ACKR3: variants seen among roughly 807,000 people sequenced by gnomAD.
ACKR3 encodes atypical chemokine receptor 3.
ACKR3 carries 6 observed loss-of-function variants against 22.4 expected under a neutral mutation model. The ratio of observed to expected loss-of-function variants is 0.27; its 90% CI spans 0.15 to 0.53. The LOEUF is 0.53. ACKR3 is among the 20% of genes least tolerant of loss of function. ACKR3 has a pLI of 0.96. For missense variants in ACKR3, 396 were observed against 475.2 expected, an observed-to-expected ratio of 0.83 and a Z score of 1.55; for synonymous variants, 209 against 205.2, an observed-to-expected ratio of 1.02 and a Z score of -0.16.
In ACKR3 at chr2:236,581,521, GGAGTACTCTGCCTTGGAGCA is replaced by G. The variant is rs1559474515; in HGVS notation, c.1060_1079del (p.Tyr354HisfsTer27). 6.2e-7 allele frequency: 1 copy of G among 1,614,164 alleles called. No homozygotes were observed. The highest frequency in any genetic ancestry group is 8.5e-7 in the Non-Finnish European group (1 of 1,180,016). On this transcript the variant is annotated frameshift_variant, in exon 2 of 2. Coordinates refer to ENST00000272928, the MANE Select transcript of ACKR3 (RefSeq NM_020311.3). LOFTEE classifies it high-confidence loss of function. The surrounding 1 kb of genome is among the most constrained non-coding windows in gnomAD (Gnocchi z 4.4). ...TCGATGCCTCCAGAGTCTCAGAGAC[GGAGTACTCTGCCTTGGAGCA>G]GAGCACCAAATGATCTGCCCTGGAG...
In ACKR3 at chr2:236,574,004, C is replaced by T. The variant is rs1691359136; in HGVS notation, c.-27+4080C>T. ...CTCCTTGAAGTCCCCCATAAGCCAC[C>T]AGAGTAGAAACCCCTCATTTTCCTG... On this transcript the variant is annotated intron_variant, in intron 1 of 1. Transcript: ENST00000272928. The surrounding 1 kb of genome is among the most constrained non-coding windows in gnomAD (Gnocchi z 5.6). Among the ~76,000 whole-genome samples the T allele has an allele frequency of 6.6e-6, 1 of 152,130 alleles. No homozygotes were observed. Among genetic ancestry groups the T allele is most frequent in the Non-Finnish European group, 1.5e-5 (1 of 68,028 alleles).
At chr2:236,563,392 G>T (rs888933506), upstream of ACKR3, among the ~76,000 whole-genome samples, 9 of 152,226 alleles carry the variant, frequency 5.9e-5, no homozygotes, top group African/African-American at 1.9e-4. Context: ...TCCAGTTGGG[G>T]AGAAGATAGA....
the ACKR3 span, among the ~76,000 whole-genome samples, chr2:236,562,429 C>T: frequency 6.6e-6 from 1 of 152,008 alleles, no homozygotes; most frequent in African/African-American, 2.4e-5. Context: ...CAGTTATTTT[C>T]AGTTTGGGTC....
rs1691558537 is a variant in ACKR3 at position 236,582,308 on chromosome 2, A to T, written c.*754A>T. On this transcript the variant is annotated 3_prime_UTR_variant, in exon 2 of 2. Coordinates refer to ENST00000272928, the MANE Select transcript of ACKR3 (RefSeq NM_020311.3). ...CAGTTGCATTTCAGAGAGTTCTCTCAATTTGTAAGTTATTTTTTTTTAATA... is the reference window on the plus strand; with the variant it reads ...CAGTTGCATTTCAGAGAGTTCTCTCTATTTGTAAGTTATTTTTTTTTAATA... 1.8e-5 allele frequency: 3 copies of T among 167,026 alleles called. No homozygotes were observed. In the South Asian group the frequency reaches 6.2e-4, roughly 35 times the overall value. The allele number at this position is 167,026 out of a possible 1,614,324, so 10.3% of individuals were successfully genotyped here.
intron 1 of ACKR3, among the ~76,000 whole-genome samples, chr2:236,571,636 A>C (rs1016323418): frequency 5.5e-4 from 83 of 151,464 alleles, no homozygotes; most frequent in East Asian, 1.5e-3. Context: ...AAAAAAAAAA[A>C]AAAAAACCCA....
intron 1 of ACKR3, among the ~76,000 whole-genome samples, 159 bp from the exon 2 acceptor site, chr2:236,580,281 A>T (rs1691491231): frequency 6.6e-6 from 1 of 152,186 alleles, no homozygotes; most frequent in African/African-American, 2.4e-5. Flanking sequence ...TTTTATTATG[A>T]ATTTTTTTTC....
At chr2:236,564,187 C>A (rs894451771), upstream of ACKR3, among the ~76,000 whole-genome samples, 2 of 152,198 alleles carry the variant, frequency 1.3e-5, no homozygotes, top group South Asian at 2.1e-4. Context: ...ACAGGCCAAT[C>A]CTTCATTGGC....
the ACKR3 span, among the ~76,000 whole-genome samples, chr2:236,541,708 G>C: frequency 3.9e-5 from 6 of 152,198 alleles, no homozygotes; most frequent in Non-Finnish European, 8.8e-5. Flanking sequence ...ACCTTGAATT[G>C]TAATAATCCC....
chr2:236,571,865 A>G (rs758578100), intron 1 of ACKR3, among the ~76,000 whole-genome samples: 2 of 152,176 alleles, frequency 1.3e-5, no homozygotes, highest in Non-Finnish European at 2.9e-5. Context: ...ATTTTGTAGA[A>G]CATGAGGGGA....
upstream of ACKR3, among the ~76,000 whole-genome samples, chr2:236,563,298 C>T (rs1268561820): frequency 3.9e-5 from 6 of 152,126 alleles, no homozygotes; most frequent in African/African-American, 1.4e-4. Flanking sequence ...TATGGGCATC[C>T]GGCACGCGCC....
chr2:236,577,710 G>T lies in ACKR3; in HGVS notation c.-26-2730G>T, dbSNP rs1489426079. ...GCCAGAGGAATGTCACCATGGTGGG[G>T]GAGAGAGGTGGGGCGGATTCGGGAT... On this transcript the variant is annotated intron_variant, in intron 1 of 1. Transcript: ENST00000272928. The surrounding 1 kb of genome is among the most constrained non-coding windows in gnomAD (Gnocchi z 5.6). 2.0e-5 allele frequency among the ~76,000 whole-genome samples: 3 copies of T among 152,200 alleles called. No individual in the cohort carries two copies. Among genetic ancestry groups the T allele is most frequent in the African/African-American group, 7.2e-5 (3 of 41,458 alleles).
chr2:236,545,961 TTC>T, the ACKR3 span, among the ~76,000 whole-genome samples: 1 of 152,210 alleles, frequency 6.6e-6, no homozygotes, highest in African/African-American at 2.4e-5. The surrounding 1 kb of genome is among the most constrained non-coding windows in gnomAD (Gnocchi z 5.3). Flanking sequence ...TGGACAGCTG[TTC>T]TCTGTTTCTC....
chr2:236,576,002 C>T (rs997463541), intron 1 of ACKR3, among the ~76,000 whole-genome samples: 3 of 152,304 alleles, frequency 2.0e-5, no homozygotes, highest in African/African-American at 4.8e-5. Flanking sequence ...CTTCCTTCCC[C>T]CTGGAATCTT....
At chr2:236,573,246 G>A (rs753177362) in intron 1 of ACKR3, among the ~76,000 whole-genome samples, 1 of 152,182 alleles carries the variant, frequency 6.6e-6, no homozygotes, top group African/African-American at 2.4e-5. Flanking sequence ...TTCTTCAGAG[G>A]TAGTGTGGAT....
At chr2:236,558,963 T>C in the ACKR3 span, among the ~76,000 whole-genome samples, 1 of 152,258 alleles carries the variant, frequency 6.6e-6, no homozygotes, top group African/African-American at 2.4e-5. Flanking sequence ...ATTTTTAAGC[T>C]GAATCATTTT....
upstream of ACKR3, among the ~76,000 whole-genome samples, chr2:236,569,036 G>T (rs968939253): frequency 2.6e-5 from 4 of 152,170 alleles, no homozygotes; most frequent in African/African-American, 7.2e-5. Flanking sequence ...ATTCCTCCGT[G>T]GGGGGAACTT....
chr2:236,571,217 A>G lies in ACKR3; in HGVS notation c.-27+1293A>G, dbSNP rs73131705. Among the ~76,000 whole-genome samples, 1,467 of 152,328 alleles carry G rather than the reference A, an allele frequency of 9.6e-3. 27 individuals carry two copies. The highest frequency in any genetic ancestry group is 0.034 in the African/African-American group (1,411 of 41,560). On this transcript the variant is annotated intron_variant, in intron 1 of 1. Coordinates refer to ENST00000272928, the MANE Select transcript of ACKR3 (RefSeq NM_020311.3). ...CAGATGGAAAGTCTTTTCTAAAGCAAAGTTGCACATGGGAGCTCTAGCTTG... is the reference window on the plus strand; with the variant it reads ...CAGATGGAAAGTCTTTTCTAAAGCAGAGTTGCACATGGGAGCTCTAGCTTG...
chr2:236,572,022 T>C (rs916182860), intron 1 of ACKR3, among the ~76,000 whole-genome samples: 3 of 152,156 alleles, frequency 2.0e-5, no homozygotes, highest in African/African-American at 7.2e-5. Context: ...GATCGTGTCA[T>C]GTCAAGTGTT....
At chr2:236,557,013 A>G in the ACKR3 span, among the ~76,000 whole-genome samples, 1 of 152,182 alleles carries the variant, frequency 6.6e-6, no homozygotes, top group Non-Finnish European at 1.5e-5. Flanking sequence ...AGCCACTAAC[A>G]TTATGGTGAT....
Sources: allele counts gnomAD v4.1 joint callset (sites outside exome capture counted in the v4.1 genomes callset), GRCh38; gene constraint gnomAD v4.1.1; non-coding constraint Gnocchi (gnomAD v3.1); transcripts MANE v1.5; gene names NCBI Gene and HGNC (gene_info 2026-07-23, HGNC 2026-07-21).